Variants in TM6SF2 observed in about 807,000 individuals in gnomAD.
TM6SF2 encodes the protein transmembrane 6 superfamily member 2.
In TM6SF2, 29 loss-of-function variants were observed where a neutral mutation model predicts 41.0. The ratio of observed to expected loss-of-function variants is 0.71; its 90% confidence interval spans 0.53 to 0.96. TM6SF2 has a LOEUF of 0.96. Ranked by LOEUF, TM6SF2 falls within the 50% of genes least tolerant of loss-of-function variation. The pLI, the probability that TM6SF2 is intolerant of heterozygous loss-of-function variation, is 0.00. For synonymous variants in TM6SF2, 200 were observed against 209.1 expected (o/e 0.96, Z 0.37); for missense variants, 475 against 499.0 (o/e 0.95, Z 0.46).
chr19:19,270,564 C>T, intron 2 of TM6SF2, 122 bp from the exon 3 acceptor site: 1 of 1,224,716 alleles, frequency 8.2e-7, no homozygotes, highest in South Asian at 1.4e-5. Flanking sequence ...GCAAGGACTC[C>T]AGGCCCAGTC....
chr19:19,267,749 T>C (rs1013456721), intron 7 of TM6SF2, 36 bp from the exon 8 acceptor site: 1 of 1,592,336 alleles, frequency 6.3e-7, no homozygotes, highest in African/African-American at 1.3e-5. Flanking sequence ...CCCTCAGACA[T>C]ACCTCCCACA....
At chr19:19,267,927 T>C (rs2061008982) in intron 7 of TM6SF2, 59 bp downstream of exon 7, 4 of 1,352,438 alleles carry the variant, frequency 3.0e-6, no homozygotes, top group Non-Finnish European at 4.2e-6. Flanking sequence ...GTGGGAGAGG[T>C]GGGTCAGGGA....
At chr19:19,270,110 C>A in intron 4 of TM6SF2, 63 bp downstream of exon 4, 2 of 1,603,042 alleles carry the variant, frequency 1.2e-6, no homozygotes, top group South Asian at 2.2e-5. Flanking sequence ...TGCCCTGGGA[C>A]CCCATCTGAG....
Position 19,267,980 on chromosome 19 carries a change from A to G in TM6SF2, c.711+6T>C. The G allele has an allele frequency of 3.1e-6, 5 of 1,611,964 alleles. No individual in the cohort carries two copies. The highest frequency in any genetic ancestry group is 4.2e-6 in the Non-Finnish European group (5 of 1,178,500). On this transcript the variant is annotated splice_donor_region_variant and intron_variant, in intron 7 of 9. Coordinates refer to ENST00000389363, the MANE Select transcript of TM6SF2 (RefSeq NM_001001524.3). The stretch of plus-strand genomic sequence containing the variant: ...GGGAGGGGGAGACCAACCAGCGCAG[A>G]CTCACCAGGCCCCGGAACAGAGTGA...
At chr19:19,273,065 C>CCCCCCCCCCCCCCCCCCCCCTCCCCCAA in intron 1 of TM6SF2, 56 bp downstream of exon 1, 1 of 451,456 alleles carries the variant, frequency 2.2e-6, no homozygotes, top group South Asian at 2.6e-5. Flanking sequence ...CAGTCCTCCC[C>CCCCCCCCCCCCCCCCCCCCCTCCCCCAA]GCCCCCGCCC....
chr19:19,267,607 C>A lies in TM6SF2; in HGVS notation c.804+14G>T. On this transcript the variant is annotated intron_variant, in intron 8 of 9. Transcript: ENST00000389363. Reference sequence around the variant, plus strand: ...CATGGCAGGGGTGTGGTCTTCTCCCCGCTCCCCTCTCACCTGCACCTTAGG... The same window carrying A: ...CATGGCAGGGGTGTGGTCTTCTCCCAGCTCCCCTCTCACCTGCACCTTAGG... 6.2e-7 allele frequency: 1 copy of A among 1,606,488 alleles called. No homozygotes were observed.
chr19:19,272,998 C>A, intron 1 of TM6SF2, 123 bp downstream of exon 1: 1 of 722,638 alleles, frequency 1.4e-6, no homozygotes, highest in South Asian at 2.5e-5. Flanking sequence ...TGAGCTGGGG[C>A]GCAGGGCTCG....
chr19:19,265,470 G>A (rs2061000622), intron 9 of TM6SF2, among the ~76,000 whole-genome samples: 2 of 151,806 alleles, frequency 1.3e-5, no homozygotes, highest in African/African-American at 2.4e-5. Context: ...CCAGGCTGGA[G>A]TGCAGTGGCA....
rs1427741494 is a variant in TM6SF2 at position 19,267,604 on chromosome 19, C to A, written c.804+17G>T. On this transcript the variant is annotated intron_variant, in intron 8 of 9. Transcript: ENST00000389363. ...ACCCATGGCAGGGGTGTGGTCTTCT[C>A]CCCGCTCCCCTCTCACCTGCACCTT... The A allele has an allele frequency of 6.2e-7, 1 of 1,602,192 alleles. No homozygotes were observed. Among genetic ancestry groups the A allele is most frequent in the Non-Finnish European group, 8.5e-7 (1 of 1,172,122 alleles).
intron 9 of TM6SF2, 29 bp downstream of exon 9, chr19:19,266,461 C>T (rs1231196218): frequency 1.2e-6 from 2 of 1,612,068 alleles, no homozygotes; most frequent in Admixed American, 1.7e-5. Context: ...CTCCCACATG[C>T]CTGCTCACCC....
chr19:19,271,587 G>A (rs531835571), intron 1 of TM6SF2, among the ~76,000 whole-genome samples: 21 of 151,714 alleles, frequency 1.4e-4, no homozygotes, highest in African/African-American at 5.1e-4. Context: ...CTGGAGTGCA[G>A]TGGTGCAATC....
chr19:19,266,709 T>G, intron 8 of TM6SF2, 100 bp from the exon 9 acceptor site: 1 of 1,445,454 alleles, frequency 6.9e-7, no homozygotes, highest in Non-Finnish European at 9.3e-7. Flanking sequence ...AGGAAGGATC[T>G]GGATGGCCTC....
intron 1 of TM6SF2, 47 bp from the exon 2 acceptor site, chr19:19,271,172 G>GCATCGC: frequency 6.8e-7 from 1 of 1,474,062 alleles, no homozygotes; most frequent in Non-Finnish European, 9.5e-7. Context: ...CAGTGCTGAG[G>GCATCGC]CATCGCCCCA....
At chr19:19,271,522 C>G (rs1011544775) in intron 1 of TM6SF2, among the ~76,000 whole-genome samples, 1 of 150,494 alleles carries the variant, frequency 6.6e-6, no homozygotes, top group African/African-American at 2.4e-5. Context: ...TTTTCTTTTT[C>G]TTTCTTTCTC....
Position 19,271,065 on chromosome 19 carries a change from G to A in TM6SF2, c.156C>T (p.Tyr52=). The change falls in exon 2 of 10, where the codon TAC becomes TAT. Residue 52 remains tyrosine, a synonymous_variant. Transcript: ENST00000389363. The stretch of plus-strand genomic sequence containing the variant: ...AGGAGACCTCGCCATGGGACAAGCT[G>A]TAGACCGCCACGAAAAGCAGACCCA... ...LILGLLFVAV[Y]SLSHGEVSYD... 6.2e-7 allele frequency: 1 copy of A among 1,614,176 alleles called. No homozygotes were observed. Among genetic ancestry groups the A allele is most frequent in the South Asian group, 1.1e-5 (1 of 91,082 alleles).
intron 1 of TM6SF2, among the ~76,000 whole-genome samples, chr19:19,272,001 A>G (rs538738933): frequency 6.6e-6 from 1 of 152,242 alleles, no homozygotes; most frequent in South Asian, 2.1e-4. Context: ...AGCTCCTCCC[A>G]GCTAAAGTCC....
intron 4 of TM6SF2, 100 bp from the exon 5 acceptor site, chr19:19,269,869 C>G (rs1288778375): frequency 2.5e-6 from 4 of 1,590,850 alleles, no homozygotes; most frequent in East Asian, 2.2e-5. Flanking sequence ...AGCTCCGGGT[C>G]CCTTTCAGTT....
chr19:19,267,776 C>T, intron 7 of TM6SF2, 63 bp from the exon 8 acceptor site: 4 of 1,490,534 alleles, frequency 2.7e-6, no homozygotes, highest in Non-Finnish European at 1.8e-6. Flanking sequence ...CTCCCCCACC[C>T]TCCCAGGCCC....
At position 19,273,292 on chromosome 19, in the gene TM6SF2, G is replaced by C; in HGVS notation, c.-77C>G. 8.7e-7 allele frequency: 1 copy of C among 1,147,360 alleles called. No homozygotes were observed. Among genetic ancestry groups the C allele is most frequent in the Non-Finnish European group, 1.1e-6 (1 of 885,432 alleles). The allele number at this position is 1,147,360 out of a possible 1,614,324, so 71.1% of individuals were successfully genotyped here. A position where few individuals can be genotyped will look rare whatever the true frequency, so the allele number is the denominator to read the frequency against. ...CGGCTCCTCGTTGGCGGCGAGTCCG[G>C]GCCGAGGCTGCCAGGGACCCGCCCC... On this transcript the variant is annotated 5_prime_UTR_variant, in exon 1 of 10. Coordinates refer to ENST00000389363, the MANE Select transcript of TM6SF2 (RefSeq NM_001001524.3).
Sources: allele counts gnomAD v4.1 joint callset (sites outside exome capture counted in the v4.1 genomes callset), GRCh38; gene constraint gnomAD v4.1.1; transcripts MANE v1.5; gene names NCBI Gene and HGNC (gene_info 2026-07-23, HGNC 2026-07-21).